CSF2RA: variants seen among roughly 807,000 people sequenced by gnomAD.
CSF2RA encodes the protein granulocyte-macrophage colony-stimulating factor receptor subunit alpha.
A neutral mutation model predicts 51.6 loss-of-function variants in CSF2RA; 42 were observed. That is an observed-to-expected ratio of 0.81 (90% confidence interval 0.64 to 1.05). The LOEUF is 1.05. Among genes scored for constraint, CSF2RA ranks in the 50% least tolerant of loss-of-function variants. The pLI, the probability that CSF2RA is intolerant of heterozygous loss-of-function variation, is 0.00. For synonymous variants in CSF2RA, 222 were observed against 193.0 expected, an observed-to-expected ratio of 1.15 and a Z score of -1.24; for missense variants, 530 against 501.1, an observed-to-expected ratio of 1.06 and a Z score of -0.55.
At chrX:1,286,655 A>C (rs73618031) in intron 4 of CSF2RA, among the ~76,000 whole-genome samples, 2,982 of 152,254 alleles carry the variant, frequency 0.02, 109 homozygotes, top group African/African-American at 0.068. Context: ...ATTTGGAGAA[A>C]TGTCACAGCC....
intron 7 of CSF2RA, among the ~76,000 whole-genome samples, chrX:1,290,972 A>C (rs2091340416): frequency 6.6e-6 from 1 of 152,072 alleles, no homozygotes; most frequent in African/African-American, 2.4e-5. Flanking sequence ...CCCAGGCTGG[A>C]GTGCAGTGGT....
intron 10 of CSF2RA, among the ~76,000 whole-genome samples, chrX:1,302,181 G>A (rs1262557129): frequency 1.3e-5 from 2 of 152,060 alleles, no homozygotes; most frequent in African/African-American, 2.4e-5. Flanking sequence ...CTCCCAAAGT[G>A]CTGCAATGAC....
intron 4 of CSF2RA, among the ~76,000 whole-genome samples, chrX:1,287,584 C>T (rs2090884697): frequency 6.7e-6 from 1 of 148,422 alleles, no homozygotes; most frequent in African/African-American, 2.5e-5. Context: ...GCTGGGATTA[C>T]AGGTGCCCAC....
chrX:1,322,471 C>T, the CSF2RA span, among the ~76,000 whole-genome samples: 9 of 132,254 alleles, frequency 6.8e-5, no homozygotes, highest in Non-Finnish European at 9.4e-5. Context: ...AAAGGTAGCT[C>T]TCCAGAGAAA....
downstream of CSF2RA, among the ~76,000 whole-genome samples, chrX:1,314,438 GC>G (rs1200217273): frequency 4.7e-5 from 7 of 148,332 alleles, no homozygotes; most frequent in Admixed American, 1.3e-4. Context: ...CAACCGCACT[GC>G]ACTTGCCCAA....
chrX:1,323,145 A>T, the CSF2RA span, among the ~76,000 whole-genome samples: 1 of 53,714 alleles, frequency 1.9e-5, no homozygotes, highest in South Asian at 7.0e-4. Context: ...AATACAATAC[A>T]ATACATTACA....
intron 3 of CSF2RA, among the ~76,000 whole-genome samples, chrX:1,284,153 C>T (rs138516591): frequency 1.3e-5 from 2 of 150,142 alleles, no homozygotes; most frequent in East Asian, 3.9e-4. Flanking sequence ...GATAAAGAGC[C>T]TTTGCCTGTT....
chrX:1,291,916 G>T (rs1216171442), intron 7 of CSF2RA, among the ~76,000 whole-genome samples: 1 of 138,586 alleles, frequency 7.2e-6, no homozygotes, highest in African/African-American at 2.5e-5. Flanking sequence ...TAGACAGGAG[G>T]AGACCCTGTA....
At position 1,290,370 on chromosome X, in the gene CSF2RA, A is replaced by G. The variant is rs773221683; in HGVS notation, c.507A>G (p.Ile169Met). 4 of 1,613,682 alleles carry G rather than the reference A, an allele frequency of 2.5e-6. No homozygotes were observed. Among genetic ancestry groups the G allele is most frequent in the Non-Finnish European group, 3.4e-6 (4 of 1,179,660 alleles). The change falls in exon 7 of 13, where the codon ATA becomes ATG. Residue 169 changes from isoleucine to methionine, a missense_variant. Ile to Met is a conservative substitution (Grantham distance 10). Transcript: ENST00000381529. ...GGGAGATCCGGTGTCCTTATTACAT[A>G]CAAGACTCAGGAACCCATGTGGGAT... ...RRREIRCPYY[I>M]QDSGTHVGCH...
intron 2 of CSF2RA, among the ~76,000 whole-genome samples, chrX:1,275,841 C>T (rs1401161625): frequency 6.6e-6 from 1 of 151,872 alleles, no homozygotes; most frequent in Admixed American, 6.6e-5. Flanking sequence ...TACAGGCACC[C>T]GCCACCACGC....
intron 12 of CSF2RA, chrX:1,306,005 C>T (rs1344004929): frequency 3.7e-6 from 2 of 533,854 alleles, no homozygotes; most frequent in African/African-American, 1.9e-5. Flanking sequence ...CGGCTTGAAC[C>T]CAGGGGGCGG....
At chrX:1,305,579 G>A in intron 12 of CSF2RA, 52 bp downstream of exon 12, 5 of 1,613,990 alleles carry the variant, frequency 3.1e-6, no homozygotes, top group Non-Finnish European at 4.2e-6. Flanking sequence ...GGGGAGTGGG[G>A]AGCGTGGGAC....
At chrX:1,316,298 A>G in the CSF2RA span, among the ~76,000 whole-genome samples, 1 of 145,618 alleles carries the variant, frequency 6.9e-6, no homozygotes, top group Admixed American at 6.8e-5. Flanking sequence ...AGATAGATAG[A>G]TAGATAGACA....
the CSF2RA span, among the ~76,000 whole-genome samples, chrX:1,320,336 C>G: frequency 6.6e-6 from 1 of 152,050 alleles, no homozygotes; most frequent in Non-Finnish European, 1.5e-5. Flanking sequence ...CTAATGCTGT[C>G]TTCTTTGTGG....
At position 1,298,623 on chromosome X, in the gene CSF2RA, ACACTCTCCTACCCATGACCCCTG is replaced by A. The variant is rs1569507847; in HGVS notation, c.811-1867_811-1845del. 3.5e-4 allele frequency among the ~76,000 whole-genome samples: 4 copies of A among 11,550 alleles called. 1 individual carries two copies. Among genetic ancestry groups the A allele is most frequent in the African/African-American group, 5.5e-4 (3 of 5,458 alleles). The allele number at this position is 11,550 out of a possible 152,430, so 7.6% of individuals were successfully genotyped here. A position where few individuals can be genotyped will look rare whatever the true frequency, so the allele number is the denominator to read the frequency against. On this transcript the variant is annotated intron_variant, in intron 9 of 12. Transcript: ENST00000381529. ...CTACAGTCCCCTACTCACGACCCCTACACTCTCCTACCCATGACCCCTGGTGGAACCCTACAGTCCCCTACTCA... is the reference window on the plus strand; with the variant it reads ...CTACAGTCCCCTACTCACGACCCCTAGTGGAACCCTACAGTCCCCTACTCA...
the CSF2RA span, among the ~76,000 whole-genome samples, chrX:1,315,522 G>A: frequency 6.6e-6 from 1 of 152,054 alleles, no homozygotes; most frequent in Non-Finnish European, 1.5e-5. Context: ...TCCTGCCTCA[G>A]CCTCTTGAGT....
chrX:1,317,738 G>A, the CSF2RA span, among the ~76,000 whole-genome samples: 1 of 151,600 alleles, frequency 6.6e-6, no homozygotes, highest in Non-Finnish European at 1.5e-5. Context: ...CTTTTGGAGT[G>A]GAAGAAGAGG....
Position 1,304,010 on chromosome X carries a change from T to C in CSF2RA, c.1034T>C (p.Leu345Pro), listed in dbSNP as rs138753301. ...GTCTGTGGCATCGTCCTCGGCTTCC[T>C]CTTTAAAAGGTAACCTGTGAAACAC... ...TLVCGIVLGF[L>P]FKRFLRIQRL... The change falls in exon 11 of 13, where the codon CTC becomes CCC. Residue 345 changes from leucine to proline, a missense_variant. By Grantham distance (98) the Leu-to-Pro change is moderately conservative (BLOSUM62 -3). Coordinates refer to ENST00000381529, the MANE Select transcript of CSF2RA (RefSeq NM_172245.4). The C allele has an allele frequency of 8.8e-5, 142 of 1,612,390 alleles. No individual in the cohort carries two copies. Among genetic ancestry groups the C allele is most frequent in the Non-Finnish European group, 8.6e-5 (101 of 1,179,546 alleles).
At chrX:1,298,308 T>A (rs376163600) in intron 9 of CSF2RA, among the ~76,000 whole-genome samples, 5 of 31,962 alleles carry the variant, frequency 1.6e-4, no homozygotes, top group Non-Finnish European at 2.2e-4. Context: ...CTCCTACCCA[T>A]GACCCCTGGC....
Sources: gnomAD v4.1 joint callset for allele counts (sites outside exome capture counted in the v4.1 genomes callset) on GRCh38, gnomAD v4.1.1 for gene constraint, MANE v1.5 for transcripts, NCBI Gene and HGNC (gene_info 2026-07-23, HGNC 2026-07-21) for gene names.